KCNN2: variants seen among roughly 807,000 people sequenced by gnomAD.
KCNN2 encodes the protein potassium calcium-activated channel subfamily N member 2.
Under a neutral mutation model 55.5 loss-of-function variants are expected in KCNN2, and 24 were observed. That is an observed-to-expected ratio of 0.43 (90% CI 0.31 to 0.61). The LOEUF (loss-of-function observed/expected upper bound fraction) is 0.61, where lower values mean the gene tolerates loss of function less well. Ranked by LOEUF, KCNN2 falls within the 20% of genes least tolerant of loss-of-function variation. The pLI is 0.08. For synonymous variants in KCNN2, 431 were observed against 336.1 expected (o/e 1.28, Z -3.09); for missense variants, 754 against 853.6 (o/e 0.88, Z 1.45).
chr5:114,297,575 A>C (rs779879615), intron 2 of KCNN2, among the ~76,000 whole-genome samples: 1 of 152,170 alleles, frequency 6.6e-6, no homozygotes, highest in Non-Finnish European at 1.5e-5. Flanking sequence ...TAAAATAGTC[A>C]TACCACTAAA....
At chr5:114,306,304 A>G (rs964078144) in intron 2 of KCNN2, among the ~76,000 whole-genome samples, 3 of 152,230 alleles carry the variant, frequency 2.0e-5, no homozygotes, top group African/African-American at 7.2e-5. Flanking sequence ...GACTGGGGCT[A>G]CTACTTGGTT....
intron 2 of KCNN2, 22 bp downstream of exon 2, chr5:114,364,023 A>C (rs1472976579): frequency 6.4e-7 from 1 of 1,555,076 alleles, no homozygotes; most frequent in South Asian, 1.1e-5. Context: ...CCTGCTGTTT[A>C]TGAATGACCC....
chr5:114,176,470 A>G (rs535082432), intron 1 of KCNN2, among the ~76,000 whole-genome samples: 9 of 152,250 alleles, frequency 5.9e-5, no homozygotes, highest in African/African-American at 2.2e-4. Flanking sequence ...AGTTTATAAA[A>G]CATTTTATTC....
intron 1 of KCNN2, among the ~76,000 whole-genome samples, chr5:114,217,019 C>G (rs1389802815): frequency 3.3e-5 from 5 of 151,830 alleles, no homozygotes; most frequent in Admixed American, 3.3e-4. Context: ...ACATTAGCAT[C>G]AAAAAATAAA....
At chr5:114,360,544 G>C (rs527468710), upstream of KCNN2, among the ~76,000 whole-genome samples, 1 of 152,162 alleles carries the variant, frequency 6.6e-6, no homozygotes. Flanking sequence ...CTTCTTTAGG[G>C]GGAGACGGGA....
chr5:114,332,116 T>C (rs942436941), intron 2 of KCNN2, among the ~76,000 whole-genome samples: 12 of 152,234 alleles, frequency 7.9e-5, no homozygotes, highest in African/African-American at 2.7e-4. Context: ...TTCTTTTAAG[T>C]CTAGAATTTT....
chr5:114,206,563 T>G (rs1580618158), intron 1 of KCNN2, among the ~76,000 whole-genome samples: 1 of 152,266 alleles, frequency 6.6e-6, no homozygotes, highest in Non-Finnish European at 1.5e-5. Flanking sequence ...TTCTCTCAAA[T>G]ACCTCTTTTC....
At chr5:114,176,725 G>A (rs1753137526) in intron 1 of KCNN2, among the ~76,000 whole-genome samples, 1 of 152,088 alleles carries the variant, frequency 6.6e-6, no homozygotes, top group African/African-American at 2.4e-5. Context: ...AATCCAAAGA[G>A]CATTTGAGAA....
At chr5:114,175,658 G>C (rs146608856) in intron 1 of KCNN2, among the ~76,000 whole-genome samples, 1 of 152,070 alleles carries the variant, frequency 6.6e-6, no homozygotes, top group African/African-American at 2.4e-5. Context: ...CACACTCAAG[G>C]ACACATTTTA....
At chr5:114,219,948 T>A (rs1265985023) in intron 1 of KCNN2, among the ~76,000 whole-genome samples, 1 of 152,208 alleles carries the variant, frequency 6.6e-6, no homozygotes, top group Non-Finnish European at 1.5e-5. Context: ...AGTTTTAGGC[T>A]TTGTGGGTCA....
At chr5:114,236,768 A>G (rs4705641) in intron 2 of KCNN2, among the ~76,000 whole-genome samples, 1 of 151,924 alleles carries the variant, frequency 6.6e-6, no homozygotes, top group South Asian at 2.1e-4. Context: ...CATTGCTTGT[A>G]TAAGTATTAT....
At chr5:114,168,307 T>C (rs767869828) in intron 1 of KCNN2, among the ~76,000 whole-genome samples, 3 of 152,034 alleles carry the variant, frequency 2.0e-5, no homozygotes, top group Non-Finnish European at 4.4e-5. Flanking sequence ...ATACCATGTT[T>C]TACTTTAATA....
intron 3 of KCNN2, among the ~76,000 whole-genome samples, chr5:114,445,857 A>C (rs1054732733): frequency 5.9e-5 from 9 of 152,248 alleles, no homozygotes; most frequent in Admixed American, 5.2e-4. Flanking sequence ...AATGCATCCC[A>C]AAAGCATCTA....
intron 1 of KCNN2, among the ~76,000 whole-genome samples, chr5:114,215,189 A>C (rs1350678987): frequency 6.6e-6 from 1 of 152,172 alleles, no homozygotes; most frequent in Non-Finnish European, 1.5e-5. Flanking sequence ...CCAGCAAGAT[A>C]GCAGTCATTT....
chr5:114,121,621 T>C (rs1201888035), intron 1 of KCNN2, among the ~76,000 whole-genome samples: 1 of 152,188 alleles, frequency 6.6e-6, no homozygotes. Context: ...ATCCTCTCCA[T>C]ACTACATGTT....
Position 114,104,074 on chromosome 5 carries a change from A to G in KCNN2, c.-271+47574A>G, listed in dbSNP as rs187071190. Among the ~76,000 whole-genome samples, 226 of 152,148 alleles carry G rather than the reference A, an allele frequency of 1.5e-3. 1 individual carries two copies. The highest frequency in any genetic ancestry group is 2.7e-3 in the Non-Finnish European group (183 of 67,966). The stretch of plus-strand genomic sequence containing the variant: ...TGGTCCTACGCTTTTTTTGGTTAGT[A>G]GGCTATTAATTACTGCCTCAATTTC... On this transcript the variant is annotated intron_variant, in intron 1 of 10. Coordinates refer to the KCNN2 transcript ENST00000512097.
intron 2 of KCNN2, among the ~76,000 whole-genome samples, chr5:114,312,033 A>G (rs1045494261): frequency 1.1e-4 from 16 of 152,124 alleles, no homozygotes; most frequent in Admixed American, 9.8e-4. Context: ...TTCTTTTCAT[A>G]TCAGTGAATC....
chr5:114,168,066 A>T (rs1752952693), intron 1 of KCNN2, among the ~76,000 whole-genome samples: 2 of 151,232 alleles, frequency 1.3e-5, no homozygotes, highest in South Asian at 4.2e-4. Flanking sequence ...ATTTATATTC[A>T]CTTGTTGATG....
intron 1 of KCNN2, among the ~76,000 whole-genome samples, chr5:114,076,987 G>A (rs1379904806): frequency 6.6e-6 from 1 of 152,160 alleles, no homozygotes; most frequent in Admixed American, 6.5e-5. Context: ...GAGCCACCGC[G>A]CCCGGCCAAG....
Sources: gnomAD v4.1 joint callset for allele counts (sites outside exome capture counted in the v4.1 genomes callset) on GRCh38, gnomAD v4.1.1 for gene constraint, MANE v1.5 for transcripts, NCBI Gene and HGNC (gene_info 2026-07-23, HGNC 2026-07-21) for gene names.